The following ENPP2 variants were observed in gnomAD, a reference collection of about 807,000 sequenced individuals.
ENPP2 encodes the protein autotaxin.
In ENPP2, 51 loss-of-function variants were observed where a neutral mutation model predicts 120.2. The ratio of observed to expected loss-of-function variants is 0.42; its 90% confidence interval spans 0.34 to 0.54. The LOEUF (loss-of-function observed/expected upper bound fraction) is 0.54, where lower values mean the gene tolerates loss of function less well. ENPP2 is among the 20% of genes least tolerant of loss of function. ENPP2 has a pLI of 0.04. For synonymous variants in ENPP2, 365 were observed against 366.4 expected (o/e 1.00, Z 0.04); for missense variants, 920 against 1,066.5 (o/e 0.86, Z 1.91).
At chr8:119,618,772 T>C (rs1419614962) in intron 5 of ENPP2, among the ~76,000 whole-genome samples, 1 of 151,742 alleles carries the variant, frequency 6.6e-6, no homozygotes, top group Admixed American at 6.6e-5. Context: ...TGACCTCAAA[T>C]GATATGCCCG....
intron 2 of ENPP2, among the ~76,000 whole-genome samples, chr8:119,636,093 G>A (rs746620640): frequency 1.1e-4 from 16 of 152,132 alleles, no homozygotes; most frequent in Admixed American, 4.6e-4. Context: ...TTTCTTTGGC[G>A]CCTAAAAATG....
chr8:119,633,595 C>A (rs887246018), intron 2 of ENPP2, among the ~76,000 whole-genome samples: 1 of 151,916 alleles, frequency 6.6e-6, no homozygotes, highest in Non-Finnish European at 1.5e-5. Flanking sequence ...CTGTATTATG[C>A]CTCTTCTGGA....
intron 2 of ENPP2, among the ~76,000 whole-genome samples, chr8:119,632,230 A>G (rs947404267): frequency 3.9e-5 from 6 of 152,234 alleles, no homozygotes; most frequent in Admixed American, 6.5e-5. Context: ...AAACTGAAAC[A>G]TCAACAAACT....
In ENPP2 at chr8:119,564,959, T is replaced by A; in HGVS notation, c.2132-4A>T. ...CTTTGGAAATAATTCCAGACCCCTG[T>A]GCAAAGACAAAAATCCAAAAATCAA... On this transcript the variant is annotated splice_polypyrimidine_tract_variant and splice_region_variant and intron_variant, in intron 22 of 24. Coordinates refer to ENST00000075322, the MANE Select transcript of ENPP2 (RefSeq NM_001040092.3). 6.2e-7 allele frequency: 1 copy of A among 1,609,058 alleles called. No individual in the cohort carries two copies. The highest frequency in any genetic ancestry group is 8.5e-7 in the Non-Finnish European group (1 of 1,178,106).
rs142695308 is a variant in ENPP2 at position 119,595,866 on chromosome 8, G to T, written c.973-2006C>A. The T allele has an allele frequency of 1.9e-6, 3 of 1,613,934 alleles. No homozygotes were observed. In the South Asian group the frequency reaches 3.3e-5, roughly 18 times the overall value. On this transcript the variant is annotated intron_variant, in intron 11 of 24. Transcript: ENST00000075322. ...ACTTACTTTGTCCTGACGAGTTTCC[G>T]CAGCATAATGATCCATCCTATGTAT...
At chr8:119,642,929 T>C (rs141111194), upstream of ENPP2, among the ~76,000 whole-genome samples, 1 of 152,300 alleles carries the variant, frequency 6.6e-6, no homozygotes, top group African/African-American at 2.4e-5. Context: ...CCTGAAGTAA[T>C]TAATTGTCAT....
chr8:119,603,272 C>T (rs567917356), intron 9 of ENPP2, among the ~76,000 whole-genome samples: 7 of 151,582 alleles, frequency 4.6e-5, no homozygotes, highest in Non-Finnish European at 7.4e-5. Flanking sequence ...TACTTTATTT[C>T]ACTACCTGCC....
chr8:119,558,566 G>C (rs926673137), intron 24 of ENPP2, among the ~76,000 whole-genome samples: 1 of 152,122 alleles, frequency 6.6e-6, no homozygotes, highest in South Asian at 2.1e-4. Context: ...CTTATTTCAT[G>C]TCTAACTTGA....
At position 119,562,865 on chromosome 8, in the gene ENPP2, T is replaced by A; in HGVS notation, c.2413A>T (p.Ser805Cys). Residue 805 changes from serine to cysteine, a missense_variant, in exon 24 of 25, where the codon AGC becomes TGC. Transcript: ENST00000075322. ...TCTCTCTGTAAACTCACATTGCAGC[T>A]CTCCTCGTTGTCAGGCCGGTGAGGC... ...ILPHRPDNEE[S>C]CNSSEDESKW... 6.2e-7 allele frequency: 1 copy of A among 1,613,986 alleles called. No individual in the cohort carries two copies. The highest frequency in any genetic ancestry group is 2.2e-5 in the East Asian group (1 of 44,868).
At chr8:119,665,994 A>G (rs575447268) in intron 1 of ENPP2, among the ~76,000 whole-genome samples, 2 of 152,362 alleles carry the variant, frequency 1.3e-5, no homozygotes, top group South Asian at 4.1e-4. Flanking sequence ...AGCTACATCT[A>G]GAATACAATA....
At position 119,595,100 on chromosome 8, in the gene ENPP2, G is replaced by A. The variant is rs747456272; in HGVS notation, c.973-1240C>T. 3.1e-4 allele frequency among the ~76,000 whole-genome samples: 47 copies of A among 152,208 alleles called. 1 individual carries two copies. Among genetic ancestry groups the A allele is most frequent in the Non-Finnish European group, 1.0e-4 (7 of 68,036 alleles). ...CTGAGAAAATCATGCTCTGCTCCAAGATCTCTGTCTAGGTAAAGAAATACC... is the reference window on the plus strand; with the variant it reads ...CTGAGAAAATCATGCTCTGCTCCAAAATCTCTGTCTAGGTAAAGAAATACC... On this transcript the variant is annotated intron_variant, in intron 11 of 24. Transcript: ENST00000075322.
Position 119,595,807 on chromosome 8 carries a change from C to T in ENPP2, c.973-1947G>A, listed in dbSNP as rs369250245. The T allele has an allele frequency of 7.5e-6, 12 of 1,607,826 alleles. No homozygotes were observed. In the African/African-American group the frequency reaches 1.2e-4, roughly 16 times the overall value. On this transcript the variant is annotated intron_variant, in intron 11 of 24. Coordinates refer to ENST00000075322, the MANE Select transcript of ENPP2 (RefSeq NM_001040092.3). ...CACTGAAGGCAACCTTCAACTCAGACCTGCCCGCCACAAAGCTTTGGAACA... is the reference window on the plus strand; with the variant it reads ...CACTGAAGGCAACCTTCAACTCAGATCTGCCCGCCACAAAGCTTTGGAACA...
chr8:119,582,286 C>T (rs1041429462), intron 18 of ENPP2, 132 bp downstream of exon 18: 10 of 663,800 alleles, frequency 1.5e-5, no homozygotes, highest in Non-Finnish European at 2.3e-5. Flanking sequence ...GTTCCTCAGT[C>T]ACACTAGCCA....
At chr8:119,612,043 T>C (rs114976106) in intron 8 of ENPP2, among the ~76,000 whole-genome samples, 1,596 of 151,594 alleles carry the variant, frequency 0.011, 24 homozygotes, top group African/African-American at 0.037. Flanking sequence ...AAAATAAAAA[T>C]AAAAAGAGAT....
At chr8:119,567,402 A>C (rs16892773) in intron 22 of ENPP2, among the ~76,000 whole-genome samples, 3,486 of 152,326 alleles carry the variant, frequency 0.023, 128 homozygotes, top group African/African-American at 0.077. Context: ...ATGCAATCAT[A>C]TCTCTTAATT....
At chr8:119,588,044 A>G (rs1383532296) in intron 13 of ENPP2, among the ~76,000 whole-genome samples, 1 of 152,228 alleles carries the variant, frequency 6.6e-6, no homozygotes, top group Non-Finnish European at 1.5e-5. Flanking sequence ...AAAATGTATG[A>G]ATAAACTTGC....
At chr8:119,563,948 A>G (rs1048098993) in intron 23 of ENPP2, among the ~76,000 whole-genome samples, 14 of 151,090 alleles carry the variant, frequency 9.3e-5, no homozygotes, top group African/African-American at 3.4e-4. Flanking sequence ...AAATTAAATA[A>G]CAACATTCTG....
At chr8:119,575,863 A>G (rs1373442049) in intron 19 of ENPP2, among the ~76,000 whole-genome samples, 1 of 152,192 alleles carries the variant, frequency 6.6e-6, no homozygotes, top group African/African-American at 2.4e-5. Flanking sequence ...CTACCATCAA[A>G]TTCATCTTGA....
chr8:119,621,730 A>C (rs1815912124), intron 3 of ENPP2, among the ~76,000 whole-genome samples: 1 of 152,230 alleles, frequency 6.6e-6, no homozygotes. Context: ...AACAACATCA[A>C]AATGCAATTG....
Sources: allele counts gnomAD v4.1 joint callset (sites outside exome capture counted in the v4.1 genomes callset), GRCh38; gene constraint gnomAD v4.1.1; transcripts MANE v1.5; gene names NCBI Gene and HGNC (gene_info 2026-07-23, HGNC 2026-07-21).